KATNIP: variants seen among roughly 807,000 people sequenced by gnomAD.
KATNIP encodes katanin-interacting protein.
A neutral mutation model predicts 174.0 loss-of-function variants in KATNIP; 126 were observed. The ratio of observed to expected loss-of-function variants is 0.72; its 90% CI spans 0.63 to 0.84. The LOEUF is 0.84. Among genes scored for constraint, KATNIP ranks in the 40% least tolerant of loss-of-function variants. KATNIP has a pLI of 0.00. For missense variants in KATNIP, 1,958 were observed against 2,109.7 expected (o/e 0.93, Z 1.41); for synonymous variants, 810 against 835.7 (o/e 0.97, Z 0.53).
intron 2 of KATNIP, among the ~76,000 whole-genome samples, chr16:27,603,139 C>T (rs1036654520): frequency 5.6e-4 from 85 of 152,342 alleles, no homozygotes; most frequent in African/African-American, 1.9e-3. Flanking sequence ...AAAGACATCT[C>T]AGAAGGCCAA....
At chr16:27,715,683 A>G (rs1372324610) in intron 13 of KATNIP, among the ~76,000 whole-genome samples, 1 of 152,244 alleles carries the variant, frequency 6.6e-6, no homozygotes, top group Non-Finnish European at 1.5e-5. Flanking sequence ...TGAGCACATT[A>G]AAGATACTTA....
At chr16:27,604,987 G>A (rs1290806778) in intron 2 of KATNIP, among the ~76,000 whole-genome samples, 1 of 152,188 alleles carries the variant, frequency 6.6e-6, no homozygotes, top group Non-Finnish European at 1.5e-5. Context: ...GGAGTGCAGT[G>A]GCGTGATCTC....
At chr16:27,643,516 A>G (rs1376313689) in intron 5 of KATNIP, among the ~76,000 whole-genome samples, 2 of 135,502 alleles carry the variant, frequency 1.5e-5, no homozygotes, top group Admixed American at 8.5e-5. Context: ...GCTTGAACCC[A>G]GGAGGCAGAG....
chr16:27,771,114 G>A (rs1017017922), intron 21 of KATNIP, among the ~76,000 whole-genome samples: 8 of 152,150 alleles, frequency 5.3e-5, no homozygotes, highest in African/African-American at 1.9e-4. Flanking sequence ...CTGTCACCCC[G>A]TCCTGGCTGT....
chr16:27,659,988 T>TTA (rs1394751723), intron 6 of KATNIP: 2 of 984,704 alleles, frequency 2.0e-6, no homozygotes, highest in African/African-American at 3.5e-5. Context: ...TATTTGATAG[T>TTA]TTATATAACA....
intron 13 of KATNIP, among the ~76,000 whole-genome samples, chr16:27,712,322 C>G (rs374316474): frequency 3.4e-4 from 51 of 152,238 alleles, no homozygotes; most frequent in African/African-American, 1.2e-3. Flanking sequence ...GGTCCCAGGC[C>G]CGGGGCTACC....
intron 2 of KATNIP, among the ~76,000 whole-genome samples, chr16:27,616,239 G>T (rs912435527): frequency 1.3e-5 from 2 of 152,180 alleles, no homozygotes; most frequent in Admixed American, 1.3e-4. Flanking sequence ...GGGTGTGGTG[G>T]CACAAACCTG....
chr16:27,558,465 A>G (rs563216472), intron 1 of KATNIP, among the ~76,000 whole-genome samples: 5 of 152,302 alleles, frequency 3.3e-5, no homozygotes, highest in Admixed American at 1.3e-4. Context: ...TTAATCTGAA[A>G]AAAAGGGAAT....
At chr16:27,712,029 G>C (rs1040528638) in intron 13 of KATNIP, among the ~76,000 whole-genome samples, 8 of 152,212 alleles carry the variant, frequency 5.3e-5, no homozygotes, top group African/African-American at 1.9e-4. Flanking sequence ...CATTTTGGAA[G>C]CCTGCTCTCC....
chr16:27,628,938 C>T lies in KATNIP; in HGVS notation c.310+108C>T, dbSNP rs148649273. On this transcript the variant is annotated intron_variant, in intron 4 of 27. Coordinates refer to ENST00000261588, the MANE Select transcript of KATNIP (RefSeq NM_015202.5). ...ATCACATCACTTTGGGAGGCTGAGG[C>T]GGGTGGATCACTTGAGGCCAAGAGT... 5,656 of 1,154,824 alleles carry T rather than the reference C, an allele frequency of 4.9e-3. 220 individuals are homozygous for T. The African/African-American group carries it at 0.077, about 16-fold the overall frequency. 71.5% of individuals were successfully genotyped at this position (1,154,824 alleles called of 1,614,324 possible). A position where few individuals can be genotyped will look rare whatever the true frequency, so the allele number is the denominator to read the frequency against.
At chr16:27,721,493 G>A in intron 13 of KATNIP, 65 bp from the exon 14 acceptor site, 1 of 1,599,596 alleles carries the variant, frequency 6.3e-7, no homozygotes, top group Non-Finnish European at 8.6e-7. Flanking sequence ...AAGAGCCGCT[G>A]CCATTTTACT....
In KATNIP at chr16:27,573,244, T is replaced by C. The variant is rs145224391; in HGVS notation, c.8-657T>C. Among the ~76,000 whole-genome samples the C allele has an allele frequency of 2.6e-5, 4 of 152,356 alleles. No individual in the cohort carries two copies. The East Asian group carries it at 7.7e-4, about 29-fold the overall frequency. ...ATATTTTCAAACCAAAGCAATCCAT[T>C]AATTTTGCATCAAGGCATTCCTTTA... On this transcript the variant is annotated intron_variant, in intron 1 of 27. Transcript: ENST00000261588.
chr16:27,640,772 G>T (rs1262328962), intron 5 of KATNIP, among the ~76,000 whole-genome samples: 6 of 149,404 alleles, frequency 4.0e-5, no homozygotes, highest in African/African-American at 1.5e-4. Context: ...CCTTAATGCC[G>T]ACTGCAAACC....
rs1268660067 is a variant in KATNIP at position 27,713,820 on chromosome 16, A to G, written c.1605+4900A>G. Among the ~76,000 whole-genome samples the G allele has an allele frequency of 1.0e-3, 39 of 37,728 alleles. 1 individual carries two copies. The East Asian group carries it at 0.013, about 12-fold the overall frequency. 24.8% of individuals were successfully genotyped at this position (37,728 alleles called of 152,430 possible). A position where few individuals can be genotyped will look rare whatever the true frequency, so the allele number is the denominator to read the frequency against. On this transcript the variant is annotated intron_variant, in intron 13 of 27. Coordinates refer to ENST00000261588, the MANE Select transcript of KATNIP (RefSeq NM_015202.5). ...TGTGTGTGTATATACATATATATAT[A>G]TATATATATATATATATATATATAT...
intron 15 of KATNIP, among the ~76,000 whole-genome samples, chr16:27,741,704 A>G (rs575005227): frequency 6.6e-6 from 1 of 152,288 alleles, no homozygotes; most frequent in South Asian, 2.1e-4. Flanking sequence ...GGAGTTCGAG[A>G]CCAGCCTGGC....
chr16:27,761,614 C>T, intron 19 of KATNIP, 24 bp downstream of exon 19: 1 of 1,592,192 alleles, frequency 6.3e-7, no homozygotes, highest in Non-Finnish European at 8.6e-7. Context: ...AGAAGCTTTA[C>T]TTTCATGCCC....
At position 27,740,914 on chromosome 16, in the gene KATNIP, A is replaced by G; in HGVS notation, c.2617A>G (p.Ser873Gly). 5.7e-6 allele frequency: 9 copies of G among 1,590,100 alleles called. No individual in the cohort carries two copies. The South Asian group carries it at 1.0e-4, about 18-fold the overall frequency. The change falls in exon 15 of 28, where the codon AGC becomes GGC. Residue 873 changes from serine (S) to glycine (G), a missense_variant. This residue lies in a region of KATNIP where 1,557 missense variants were observed against 1,617.8 expected (regional missense o/e 0.96). Coordinates refer to ENST00000261588, the MANE Select transcript of KATNIP (RefSeq NM_015202.5). ...TAGTCATGGGGACGACCAGCCAGCC[A>G]GCAGAGGTAAGCTCCAAAGAGCAGC... ...SSSHGDDQPA[S>G]REDTWSSRTP...
At chr16:27,739,999 T>A (rs1345309733) in intron 14 of KATNIP, 42 bp from the exon 15 acceptor site, 1 of 1,568,536 alleles carries the variant, frequency 6.4e-7, no homozygotes. Flanking sequence ...TACATCAGTC[T>A]GATGCTATGC....
In KATNIP at chr16:27,639,694, CA is replaced by C. The variant is rs373931805; in HGVS notation, c.408+8534del. Among the ~76,000 whole-genome samples the C allele has an allele frequency of 2.0e-3, 307 of 152,320 alleles. 3 individuals are homozygous for C. Among genetic ancestry groups the C allele is most frequent in the African/African-American group, 6.5e-3 (272 of 41,578 alleles). On this transcript the variant is annotated intron_variant, in intron 5 of 27. Transcript: ENST00000261588. ...GCTTCAGCACCTTCAGAAAATCTCA[CA>C]AGTAAAAATGGGAAGTGTTGGGGGC...
Sources: allele counts gnomAD v4.1 joint callset (sites outside exome capture counted in the v4.1 genomes callset), GRCh38; gene constraint gnomAD v4.1.1; regional missense constraint gnomAD v4.1.1; transcripts MANE v1.5; gene names NCBI Gene and HGNC (gene_info 2026-07-23, HGNC 2026-07-21).